CAPN6: variants seen among roughly 807,000 people sequenced by gnomAD.
CAPN6 encodes the protein calpain 6.
In CAPN6, 16 loss-of-function variants were observed where a neutral mutation model predicts 46.0. The ratio of observed to expected loss-of-function variants is 0.35; its 90% CI spans 0.24 to 0.53. CAPN6 has a LOEUF of 0.53. Among genes scored for constraint, CAPN6 ranks in the 20% least tolerant of loss-of-function variants. The probability of loss-of-function intolerance (pLI) is 0.94; values close to 1 mark genes in which losing one functional copy is unlikely to be tolerated. For synonymous variants in CAPN6, 206 were observed against 172.8 expected (o/e 1.19, Z -1.51); for missense variants, 461 against 498.0 (o/e 0.93, Z 0.71).
Position 111,252,417 on chromosome X carries a change from C to A in CAPN6, c.589G>T (p.Val197Phe), listed in dbSNP as rs770246069. ...VDFTGTLAET[V>F]DMQKGRYTEL... is the part of the protein sequence containing the mutation. ...GTGTATCTTCCTTTCTGCATGTCAA[C>A]AGTTTCAGCCAATGTGCCCGTGAAG... Residue 197 changes from valine (V) to phenylalanine (F), a missense_variant, in exon 5 of 13, where the codon GTT (valine) becomes TTT (phenylalanine). Physicochemically the swap from Val to Phe is conservative, Grantham distance 50. Transcript: ENST00000324068. The A allele has an allele frequency of 5.8e-6, 7 of 1,210,381 alleles. No individual in the cohort carries two copies. The highest frequency in any genetic ancestry group is 7.8e-6 in the Non-Finnish European group (7 of 894,306).
chrX:111,257,675 T>C (rs1214832462), intron 2 of CAPN6, among the ~76,000 whole-genome samples: 1 of 111,981 alleles, frequency 8.9e-6, no homozygotes. Context: ...GGGTTAAGGA[T>C]GTAAGACGAG....
intron 6 of CAPN6, 123 bp downstream of exon 6, chrX:111,251,426 C>T (rs891238828): frequency 2.9e-5 from 26 of 890,298 alleles, no homozygotes; most frequent in Non-Finnish European, 3.1e-5. Context: ...TCACAGACCC[C>T]GTGCCTGACA....
intron 3 of CAPN6, among the ~76,000 whole-genome samples, chrX:111,253,948 A>G (rs2094981733): frequency 8.9e-6 from 1 of 112,005 alleles, no homozygotes; most frequent in Non-Finnish European, 1.9e-5. Context: ...CCCAATAGGT[A>G]CAGATAACAT....
intron 12 of CAPN6, 75 bp from the exon 13 acceptor site, chrX:111,246,834 C>G: frequency 1.2e-6 from 1 of 852,693 alleles, no homozygotes. Flanking sequence ...ACATCCAGAT[C>G]TAATGCTGAG....
chrX:111,246,353 G>C lies in CAPN6; in HGVS notation c.*224C>G. Reference sequence around the variant, plus strand: ...TCTTGGCAAATGTGTATGATGTCTAGATAGGACTGTCGCCTCCCCATGTCC... The same window carrying C: ...TCTTGGCAAATGTGTATGATGTCTACATAGGACTGTCGCCTCCCCATGTCC... On this transcript the variant is annotated 3_prime_UTR_variant, in exon 13 of 13. Transcript: ENST00000324068. 1 of 412,156 alleles carries C rather than the reference G, an allele frequency of 2.4e-6. No homozygotes were observed. The highest frequency in any genetic ancestry group is 4.2e-6 in the Non-Finnish European group (1 of 237,132). The allele number at this position is 412,156 out of a possible 1,213,427, so 34.0% of individuals were successfully genotyped here.
Position 111,254,262 on chromosome X carries a change from G to A in CAPN6, c.297+10C>T, listed in dbSNP as rs2094982002. The A allele has an allele frequency of 8.4e-7, 1 of 1,191,174 alleles. No homozygotes were observed. The highest frequency in any genetic ancestry group is 3.0e-5 in the East Asian group (1 of 33,380). ...GGAAACTGAATGAGGTCCCACAGGA[G>A]GGATAATACCTTTGTCCAATGAGAC... is the stretch of plus-strand genomic sequence containing the variant. On this transcript the variant is annotated intron_variant, in intron 3 of 12. Transcript: ENST00000324068.
rs1029429248 is a variant in CAPN6, at chrX:111,247,960, C to A, written c.1517G>T (p.Cys506Phe). 5.8e-6 allele frequency: 7 copies of A among 1,209,093 alleles called. No homozygotes were observed. The Admixed American group carries it at 8.7e-5, about 15-fold the overall frequency. ...CGGGTAGCCACGAGCCAGGTTCCAG[C>A]AGGACATTTTGGGCATGTCCAGAGT... ...ELTLDMPKMS[C>F]WNLARGYPKV... is the part of the protein sequence containing the mutation. The change falls in exon 11 of 13, where the codon TGC (cysteine) becomes TTC (phenylalanine). Residue 506 changes from cysteine to phenylalanine, a missense_variant. Transcript: ENST00000324068.
Position 111,251,724 on chromosome X carries a change from G to A in CAPN6, c.718C>T (p.Gln240Ter). The stretch of plus-strand genomic sequence containing the variant: ...AGACCCCAATCAGTTTCAACTTCTT[G>A]CTCCTCCTGATTGGGAGACTGAGAG... ...CSIESPNQEEQEVETDWGLLK... is the reference protein window; with the variant it reads ...CSIESPNQEE Residue 240 changes from glutamine (Q) to a stop codon, truncating the protein, a stop_gained, in exon 6 of 13, where the codon CAA (glutamine) becomes TAA (stop). Coordinates refer to ENST00000324068, the MANE Select transcript of CAPN6 (RefSeq NM_014289.4). LOFTEE classifies it high-confidence loss of function. The A allele has an allele frequency of 1.7e-6, 2 of 1,206,238 alleles. No homozygotes were observed. Among genetic ancestry groups the A allele is most frequent in the Non-Finnish European group, 2.2e-6 (2 of 891,396 alleles).
At chrX:111,257,199 C>T (rs1398110032) in intron 2 of CAPN6, among the ~76,000 whole-genome samples, 1 of 111,585 alleles carries the variant, frequency 9.0e-6, no homozygotes, top group Non-Finnish European at 1.9e-5. Context: ...ATGGCCACCA[C>T]ATAAAGGATG....
At position 111,249,727 on chromosome X, in the gene CAPN6, G is replaced by A. The variant is rs1569480778; in HGVS notation, c.1159-670C>T. On this transcript the variant is annotated intron_variant, in intron 8 of 12. Coordinates refer to ENST00000324068, the MANE Select transcript of CAPN6 (RefSeq NM_014289.4). ...AGCTACTCAGGAGGCTAAGGCAGAA[G>A]GATCCCTTGAGCCCAGGAATTCAAG... Among the ~76,000 whole-genome samples, 3 of 110,403 alleles carry A rather than the reference G, an allele frequency of 2.7e-5. No individual in the cohort carries two copies. In the Admixed American group the frequency reaches 2.9e-4, roughly 11 times the overall value.
intron 2 of CAPN6, among the ~76,000 whole-genome samples, chrX:111,257,432 G>A (rs1263041856): frequency 2.7e-5 from 3 of 111,972 alleles, no homozygotes; most frequent in Non-Finnish European, 3.8e-5. Flanking sequence ...TGTAAGCATC[G>A]TGATATGAAA....
chrX:111,259,196 T>A (rs2094986023), intron 2 of CAPN6, among the ~76,000 whole-genome samples: 1 of 112,714 alleles, frequency 8.9e-6, no homozygotes, highest in South Asian at 3.6e-4. Context: ...AATATATAAA[T>A]TGCACTTCGA....
chrX:111,261,960 T>C (rs1320930561), intron 2 of CAPN6, among the ~76,000 whole-genome samples: 2 of 111,878 alleles, frequency 1.8e-5, no homozygotes, highest in African/African-American at 6.5e-5. Context: ...GCTTCCTTTT[T>C]AGCTACTTTT....
At chrX:111,252,231 C>T (rs1000035503) in intron 5 of CAPN6, 76 bp downstream of exon 5, 17 of 854,346 alleles carry the variant, frequency 2.0e-5, no homozygotes, top group Admixed American at 3.2e-5. Context: ...GGGTTAAGGG[C>T]GAATTTCCCT....
rs776155032 is a variant in CAPN6, at chrX:111,266,903, G to T, written c.-15-2952C>A. On this transcript the variant is annotated intron_variant, in intron 1 of 12. Coordinates refer to ENST00000324068, the MANE Select transcript of CAPN6 (RefSeq NM_014289.4). ...TTATTGCCATGGTAGACATTGAAAA[G>T]GTTCTTTATTTTCATGGTTTGATGT... Among the ~76,000 whole-genome samples, 3 of 112,853 alleles carry T rather than the reference G, an allele frequency of 2.7e-5. No individual in the cohort carries two copies. In the South Asian group the frequency reaches 1.1e-3, roughly 41 times the overall value.
chrX:111,247,949 C>A lies in CAPN6; in HGVS notation c.1528G>T (p.Ala510Ser). 8.3e-7 allele frequency: 1 copy of A among 1,210,433 alleles called. No individual in the cohort carries two copies. Among genetic ancestry groups the A allele is most frequent in the Non-Finnish European group, 1.1e-6 (1 of 894,276 alleles). ...GTAACTACTTTCGGGTAGCCACGAG[C>A]CAGGTTCCAGCAGGACATTTTGGGC... Reference protein sequence around the residue: ...DMPKMSCWNLARGYPKVVTQI... With the variant: ...DMPKMSCWNLSRGYPKVVTQI... Residue 510 changes from alanine to serine, a missense_variant, in exon 11 of 13, where the codon GCT becomes TCT. Transcript: ENST00000324068.
chrX:111,269,881 A>T (rs2094994712), intron 1 of CAPN6, among the ~76,000 whole-genome samples: 1 of 111,775 alleles, frequency 8.9e-6, no homozygotes, highest in African/African-American at 3.3e-5. Context: ...CTCCTACCAG[A>T]GTTCACAGGC....
Position 111,252,430 on chromosome X carries a change from T to C in CAPN6, c.576A>G (p.Thr192=), listed in dbSNP as rs919450226. The C allele has an allele frequency of 8.3e-7, 1 of 1,211,313 alleles. No homozygotes were observed. The highest frequency in any genetic ancestry group is 1.1e-6 in the Non-Finnish European group (1 of 895,082). Residue 192 remains threonine (T), a synonymous_variant, in exon 5 of 13, where the codon ACA becomes ACG. Coordinates refer to ENST00000324068, the MANE Select transcript of CAPN6 (RefSeq NM_014289.4). ...ITDIIVDFTG[T]LAETVDMQKG... Reference sequence around the variant, plus strand: ...TCTGCATGTCAACAGTTTCAGCCAATGTGCCCGTGAAGTCCACAATAATAT... The same window carrying C: ...TCTGCATGTCAACAGTTTCAGCCAACGTGCCCGTGAAGTCCACAATAATAT...
intron 6 of CAPN6, 119 bp downstream of exon 6, chrX:111,251,430 C>G: frequency 1.1e-6 from 1 of 897,984 alleles, no homozygotes; most frequent in South Asian, 2.3e-5. Context: ...AGACCCCGTG[C>G]CTGACAAAAG....
Sources: gnomAD v4.1 joint callset for allele counts (sites outside exome capture counted in the v4.1 genomes callset) on GRCh38, gnomAD v4.1.1 for gene constraint, MANE v1.5 for transcripts, NCBI Gene and HGNC (gene_info 2026-07-23, HGNC 2026-07-21) for gene names.